The following ALK variants were observed in gnomAD, a reference collection of about 807,000 sequenced individuals.
The protein encoded by ALK is ALK receptor tyrosine kinase.
Under a neutral mutation model 163.1 loss-of-function variants are expected in ALK, and 74 were observed. The observed-to-expected ratio is 0.45, with a 90% CI of 0.38 to 0.55. ALK has a LOEUF of 0.55. Among genes scored for constraint, ALK ranks in the 20% least tolerant of loss-of-function variants. The pLI is 0.00. For missense variants in ALK, 2,063 were observed against 2,105.3 expected (o/e 0.98, Z 0.39); for synonymous variants, 960 against 843.2 (o/e 1.14, Z -2.40).
At chr2:29,823,758 T>C (rs1665116253) in intron 1 of ALK, among the ~76,000 whole-genome samples, 2 of 152,132 alleles carry the variant, frequency 1.3e-5, no homozygotes, top group Non-Finnish European at 2.9e-5. Context: ...TTCAGTTTCA[T>C]AAGGAAGCAG....
chr2:29,314,939 G>C (rs545370433), intron 8 of ALK, among the ~76,000 whole-genome samples: 9 of 152,292 alleles, frequency 5.9e-5, no homozygotes, highest in African/African-American at 2.2e-4. Context: ...AGGCGGATTC[G>C]AGCAGGTCTG....
intron 4 of ALK, among the ~76,000 whole-genome samples, chr2:29,513,379 A>G (rs1234419669): frequency 2.0e-5 from 3 of 146,828 alleles, no homozygotes; most frequent in African/African-American, 5.1e-5. Context: ...GACAAACCTG[A>G]GAAAAACAAG....
chr2:29,223,771 A>G (rs2148171866), intron 19 of ALK: 1 of 556,180 alleles, frequency 1.8e-6, no homozygotes, highest in Non-Finnish European at 3.2e-6. Flanking sequence ...TGTATTATAT[A>G]GGGCAGAGTC....
At chr2:29,340,381 G>A (rs1181432599) in intron 5 of ALK, among the ~76,000 whole-genome samples, 1 of 152,166 alleles carries the variant, frequency 6.6e-6, no homozygotes, top group Non-Finnish European at 1.5e-5. Flanking sequence ...CAGGCTGGAG[G>A]AATAAAGACA....
chr2:29,776,225 TAAAAAAAA>T (rs58918857), intron 1 of ALK, among the ~76,000 whole-genome samples: 37,596 of 131,234 alleles, frequency 0.29, 5,923 homozygotes, highest in African/African-American at 0.47. Context: ...GGAATTTTGT[TAAAAAAAA>T]AAAAAAAAAA....
At chr2:29,403,109 C>G in intron 4 of ALK, among the ~76,000 whole-genome samples, 1 of 152,176 alleles carries the variant, frequency 6.6e-6, no homozygotes, top group East Asian at 1.9e-4. Context: ...CCAGGCCACT[C>G]ATAAAATGAG....
At chr2:29,741,277 G>T (rs536957325) in intron 1 of ALK, among the ~76,000 whole-genome samples, 86 of 152,262 alleles carry the variant, frequency 5.6e-4, no homozygotes, top group Admixed American at 2.0e-4. Flanking sequence ...AACGGTGAGT[G>T]CCCAACATCA....
chr2:29,226,635 G>A (rs1029151530), intron 18 of ALK, among the ~76,000 whole-genome samples: 3 of 152,172 alleles, frequency 2.0e-5, no homozygotes, highest in Non-Finnish European at 4.4e-5. Flanking sequence ...AGAACCTTAG[G>A]AGCAGTAAGA....
chr2:29,908,471 C>T (rs939153428), intron 1 of ALK, among the ~76,000 whole-genome samples: 1 of 152,216 alleles, frequency 6.6e-6, no homozygotes, highest in Non-Finnish European at 1.5e-5. Context: ...TGCACTCTCT[C>T]CAAGACCCTA....
intron 3 of ALK, among the ~76,000 whole-genome samples, chr2:29,635,851 G>A (rs1261330588): frequency 1.3e-5 from 2 of 151,556 alleles, no homozygotes; most frequent in African/African-American, 2.4e-5. Context: ...GACTGGTCAC[G>A]AACTCCTGAC....
chr2:29,658,652 AAAGATGTGT>A (rs1250852736), intron 3 of ALK, among the ~76,000 whole-genome samples: 1 of 152,194 alleles, frequency 6.6e-6, no homozygotes, highest in East Asian at 1.9e-4. Context: ...CATGATTTCT[AAAGATGTGT>A]AATATGCAAG....
intron 28 of ALK, among the ~76,000 whole-genome samples, chr2:29,196,133 G>C (rs1411279814): frequency 6.6e-6 from 1 of 152,180 alleles, no homozygotes; most frequent in Non-Finnish European, 1.5e-5. Flanking sequence ...GGAACCCACA[G>C]GATTGCTAGA....
At chr2:29,244,602 G>A (rs11894279) in intron 12 of ALK, among the ~76,000 whole-genome samples, 8 of 152,002 alleles carry the variant, frequency 5.3e-5, no homozygotes, top group African/African-American at 1.2e-4. Flanking sequence ...CAGTGACCTC[G>A]CTCTATAGCC....
chr2:29,540,953 T>C (rs1438419376), intron 3 of ALK, among the ~76,000 whole-genome samples: 1 of 152,288 alleles, frequency 6.6e-6, no homozygotes, highest in East Asian at 1.9e-4. Context: ...TGTCAGATTG[T>C]CACTGAAATC....
At chr2:29,334,902 T>C (rs1667563424) in intron 5 of ALK, among the ~76,000 whole-genome samples, 1 of 152,202 alleles carries the variant, frequency 6.6e-6, no homozygotes, top group Non-Finnish European at 1.5e-5. Flanking sequence ...TTCTGTTTTT[T>C]ATGGGGCCCA....
intron 2 of ALK, among the ~76,000 whole-genome samples, chr2:29,711,230 A>G (rs993913422): frequency 1.3e-5 from 2 of 152,178 alleles, no homozygotes; most frequent in Admixed American, 1.3e-4. Flanking sequence ...GTCCTCTACA[A>G]CCTTTGCCAC....
intron 3 of ALK, among the ~76,000 whole-genome samples, chr2:29,623,671 CTG>C (rs1334151639): frequency 6.6e-6 from 1 of 152,160 alleles, no homozygotes; most frequent in African/African-American, 2.4e-5. Flanking sequence ...TGTCTAGACA[CTG>C]TGTTCTTAAC....
At chr2:29,811,099 A>G (rs1318446777) in intron 1 of ALK, among the ~76,000 whole-genome samples, 1 of 152,026 alleles carries the variant, frequency 6.6e-6, no homozygotes, top group African/African-American at 2.4e-5. Flanking sequence ...AGACTACTGC[A>G]GAGTCGAAAG....
intron 1 of ALK, among the ~76,000 whole-genome samples, chr2:29,831,740 A>T (rs557034645): frequency 6.6e-6 from 1 of 152,342 alleles, no homozygotes. Flanking sequence ...CTAAATGACG[A>T]TATACATATG....
Sources: allele counts gnomAD v4.1 joint callset (sites outside exome capture counted in the v4.1 genomes callset), GRCh38; gene constraint gnomAD v4.1.1; transcripts MANE v1.5; gene names NCBI Gene and HGNC (gene_info 2026-07-23, HGNC 2026-07-21).